The following SH3BGRL variants were observed in gnomAD, a reference collection of about 807,000 sequenced individuals.
SH3BGRL encodes adapter SH3BGRL.
Under a neutral mutation model 9.8 loss-of-function variants are expected in SH3BGRL, and 7 were observed. The observed-to-expected ratio is 0.72, with a 90% confidence interval of 0.41 to 1.35. The LOEUF is 1.35. SH3BGRL is among the 40% of genes most tolerant of loss of function. SH3BGRL has a pLI of 0.01. For synonymous variants in SH3BGRL, 36 were observed against 29.1 expected (o/e 1.24, Z -0.76); for missense variants, 73 against 84.4 (o/e 0.86, Z 0.53).
At chrX:81,275,530 G>T (rs1373547020) in intron 1 of SH3BGRL, among the ~76,000 whole-genome samples, 2 of 111,981 alleles carry the variant, frequency 1.8e-5, no homozygotes, top group African/African-American at 6.5e-5. Context: ...TGAAACCATT[G>T]ATTTAATGGA....
At chrX:81,206,948 G>A (rs2075549675) in intron 1 of SH3BGRL, among the ~76,000 whole-genome samples, 1 of 112,474 alleles carries the variant, frequency 8.9e-6, no homozygotes, top group Non-Finnish European at 1.9e-5. Context: ...GTTTATACAT[G>A]TCTTAACTCA....
chrX:81,220,609 A>G (rs191382690), intron 1 of SH3BGRL, among the ~76,000 whole-genome samples: 3 of 108,165 alleles, frequency 2.8e-5, no homozygotes, highest in African/African-American at 1.0e-4. Context: ...TTTCATTTCA[A>G]TTTAATTTAT....
At chrX:81,273,386 T>C (rs2075787385) in intron 1 of SH3BGRL, among the ~76,000 whole-genome samples, 1 of 112,535 alleles carries the variant, frequency 8.9e-6, no homozygotes, top group Non-Finnish European at 1.9e-5. Flanking sequence ...TAAATATATC[T>C]ATTTCTAATC....
At chrX:81,208,988 G>A (rs1014943366) in intron 1 of SH3BGRL, among the ~76,000 whole-genome samples, 2 of 99,216 alleles carry the variant, frequency 2.0e-5, no homozygotes, top group Non-Finnish European at 4.0e-5. Flanking sequence ...TTGCCCTTTC[G>A]TTAGCATAAC....
At chrX:81,216,548 C>T (rs771630870) in intron 1 of SH3BGRL, among the ~76,000 whole-genome samples, 1 of 111,026 alleles carries the variant, frequency 9.0e-6, no homozygotes, top group East Asian at 2.8e-4. Flanking sequence ...TTGACTCTAT[C>T]TATATTTTTG....
Position 81,262,755 on chromosome X carries a change from T to C in SH3BGRL, c.46-14229T>C, listed in dbSNP as rs2075744950. Among the ~76,000 whole-genome samples, 4 of 112,210 alleles carry C rather than the reference T, an allele frequency of 3.6e-5. No individual in the cohort carries two copies. In the South Asian group the frequency reaches 1.5e-3, roughly 41 times the overall value. On this transcript the variant is annotated intron_variant, in intron 1 of 3. Coordinates refer to ENST00000373212, the MANE Select transcript of SH3BGRL (RefSeq NM_003022.3). ...AGTGATATATGGAGACTTTTTACTA[T>C]ATTCGCAAATTTTCTGTAAATGTAA...
chrX:81,261,835 G>A (rs113205911), intron 1 of SH3BGRL, among the ~76,000 whole-genome samples: 1 of 111,186 alleles, frequency 9.0e-6, no homozygotes, highest in African/African-American at 3.3e-5. Flanking sequence ...TTCCACAGGC[G>A]TTAGTACTTA....
At chrX:81,229,889 A>C (rs1002494728) in intron 1 of SH3BGRL, among the ~76,000 whole-genome samples, 6 of 112,139 alleles carry the variant, frequency 5.4e-5, no homozygotes, top group Non-Finnish European at 9.4e-5. Context: ...CTGTGGGCAC[A>C]GGCCCAGGGA....
At chrX:81,275,076 AT>A (rs1452293490) in intron 1 of SH3BGRL, among the ~76,000 whole-genome samples, 3 of 111,412 alleles carry the variant, frequency 2.7e-5, no homozygotes, top group African/African-American at 9.8e-5. Context: ...CCTGGCGACC[AT>A]TTTAACTTAG....
intron 1 of SH3BGRL, among the ~76,000 whole-genome samples, chrX:81,263,762 A>G (rs904345254): frequency 9.0e-6 from 1 of 110,932 alleles, no homozygotes; most frequent in African/African-American, 3.3e-5. Flanking sequence ...TTTTAAAGTG[A>G]TGGGTGCAGT....
At chrX:81,215,011 T>C (rs910256965) in intron 1 of SH3BGRL, among the ~76,000 whole-genome samples, 2 of 111,223 alleles carry the variant, frequency 1.8e-5, no homozygotes, top group African/African-American at 6.5e-5. Context: ...GTTAGAAAAT[T>C]GGTAGGCAGA....
intron 1 of SH3BGRL, among the ~76,000 whole-genome samples, chrX:81,269,056 T>C (rs2075767654): frequency 9.0e-6 from 1 of 111,533 alleles, no homozygotes; most frequent in South Asian, 3.8e-4. Flanking sequence ...TTTTTTTGCC[T>C]TCCATTTGCT....
chrX:81,236,846 T>G (rs1482238735), intron 1 of SH3BGRL, among the ~76,000 whole-genome samples: 2 of 108,525 alleles, frequency 1.8e-5, no homozygotes, highest in Admixed American at 2.0e-4. Context: ...TGAAGTCCAG[T>G]AAGTTTTGTT....
intron 1 of SH3BGRL, among the ~76,000 whole-genome samples, chrX:81,274,079 G>A (rs1251042920): frequency 1.8e-5 from 2 of 111,632 alleles, no homozygotes; most frequent in Non-Finnish European, 3.8e-5. Flanking sequence ...GCTGAAAAGG[G>A]TATCAATAGC....
chrX:81,259,616 T>C (rs762778693), intron 1 of SH3BGRL, among the ~76,000 whole-genome samples: 6 of 112,350 alleles, frequency 5.3e-5, no homozygotes, highest in African/African-American at 1.9e-4. Flanking sequence ...AGGCTAGCAC[T>C]TGTCACAAAT....
chrX:81,217,815 G>C (rs1019354048), intron 1 of SH3BGRL, among the ~76,000 whole-genome samples: 1 of 110,831 alleles, frequency 9.0e-6, no homozygotes, highest in African/African-American at 3.3e-5. Flanking sequence ...TTGACTTTCT[G>C]TCTTGATGAC....
intron 1 of SH3BGRL, among the ~76,000 whole-genome samples, chrX:81,269,882 A>G (rs968430663): frequency 9.0e-6 from 1 of 111,181 alleles, no homozygotes; most frequent in Non-Finnish European, 1.9e-5. Context: ...GTCTTTTCAC[A>G]TAGTCCTATA....
At chrX:81,278,846 A>G (rs1199985243) in intron 3 of SH3BGRL, among the ~76,000 whole-genome samples, 1 of 112,192 alleles carries the variant, frequency 8.9e-6, no homozygotes, top group Non-Finnish European at 1.9e-5. Context: ...GAGCATCTGC[A>G]TTGCAAAACT....
chrX:81,214,066 C>T (rs2075574081), intron 1 of SH3BGRL, among the ~76,000 whole-genome samples: 1 of 112,170 alleles, frequency 8.9e-6, no homozygotes, highest in African/African-American at 3.2e-5. Flanking sequence ...GTGAAAGAAA[C>T]AGGAACAGCA....
Sources: allele counts gnomAD v4.1 joint callset (sites outside exome capture counted in the v4.1 genomes callset), GRCh38; gene constraint gnomAD v4.1.1; transcripts MANE v1.5; gene names NCBI Gene and HGNC (gene_info 2026-07-23, HGNC 2026-07-21).